Variants in VWF observed in about 807,000 individuals in gnomAD.
VWF encodes von Willebrand factor.
Under a neutral mutation model 308.6 loss-of-function variants are expected in VWF, and 176 were observed. That is an observed-to-expected ratio of 0.57 (90% CI 0.50 to 0.65). VWF has a LOEUF of 0.65. VWF is among the 30% of genes least tolerant of loss of function. The pLI is 0.00. For missense variants in VWF, 3,146 were observed against 3,648.2 expected (o/e 0.86, Z 3.55); for synonymous variants, 1,385 against 1,443.4 (o/e 0.96, Z 0.92).
Position 5,949,728 on chromosome 12 carries a change from A to G in VWF, c.8253+58T>C, listed in dbSNP as rs1943157821. 3 of 1,522,768 alleles carry G rather than the reference A, an allele frequency of 2.0e-6. No individual in the cohort carries two copies. The Admixed American group carries it at 5.0e-5, about 25-fold the overall frequency. The allele number at this position is 1,522,768 out of a possible 1,614,324, so 94.3% of individuals were successfully genotyped here. On this transcript the variant is annotated intron_variant, in intron 51 of 51. Coordinates refer to ENST00000261405, the MANE Select transcript of VWF (RefSeq NM_000552.5). The stretch of plus-strand genomic sequence containing the variant: ...TTCTAGAATGTAACTAAGGATAGGT[A>G]TCCGAACACGGAGGCTCAGCCCTCC...
At chr12:5,983,416 T>C (rs1348515324) in intron 40 of VWF, among the ~76,000 whole-genome samples, 162 bp from the exon 41 acceptor site, 1 of 151,758 alleles carries the variant, frequency 6.6e-6, no homozygotes, top group Non-Finnish European at 1.5e-5. Flanking sequence ...GATAGATAGA[T>C]AGATAGATAG....
chr12:6,118,465 G>A (rs1011350544), intron 3 of VWF, among the ~76,000 whole-genome samples: 10 of 129,652 alleles, frequency 7.7e-5, no homozygotes, highest in African/African-American at 2.9e-4. Flanking sequence ...TCGGCTCACA[G>A]CAACCTCCAC....
chr12:6,032,552 G>T (rs1944279249), intron 20 of VWF, among the ~76,000 whole-genome samples: 2 of 147,374 alleles, frequency 1.4e-5, no homozygotes, highest in African/African-American at 5.1e-5. Flanking sequence ...GCAGGAGAAT[G>T]GCATGAATCG....
chr12:6,037,542 G>A (rs1944350918), intron 18 of VWF, among the ~76,000 whole-genome samples: 1 of 152,130 alleles, frequency 6.6e-6, no homozygotes, highest in South Asian at 2.1e-4. Context: ...AAAGAACTAA[G>A]AACTACCAGC....
At chr12:5,996,295 G>T (rs559274842) in intron 34 of VWF, 73 bp from the exon 35 acceptor site, 100 of 1,390,974 alleles carry the variant, frequency 7.2e-5, no homozygotes, top group Non-Finnish European at 9.0e-5. Context: ...AGACAGGCAG[G>T]TGTGACCAAG....
At chr12:6,038,109 C>T (rs1944357780) in intron 18 of VWF, among the ~76,000 whole-genome samples, 2 of 152,270 alleles carry the variant, frequency 1.3e-5, no homozygotes, top group Non-Finnish European at 2.9e-5. Flanking sequence ...AGCTTAAGCA[C>T]CCAGTAGGGA....
At chr12:6,011,337 A>T (rs1299740952) in intron 34 of VWF, among the ~76,000 whole-genome samples, 1 of 152,242 alleles carries the variant, frequency 6.6e-6, no homozygotes, top group Non-Finnish European at 1.5e-5. Context: ...AGCCAAGCTG[A>T]GCATTGACCT....
rs1365518192 is a variant in VWF, at chr12:5,994,636, A to G, written c.6064-29T>C. 1.6e-5 allele frequency: 25 copies of G among 1,609,516 alleles called. No individual in the cohort carries two copies. In the East Asian group the frequency reaches 5.6e-4, roughly 36 times the overall value. On this transcript the variant is annotated intron_variant, in intron 35 of 51. Coordinates refer to ENST00000261405, the MANE Select transcript of VWF (RefSeq NM_000552.5). ...CACAAAGAAGAAAGAGCTCATCCGT[A>G]GTCCTAGCAATGAGGAATCCTAGGT... is the stretch of plus-strand genomic sequence containing the variant.
At chr12:6,110,665 G>T in intron 4 of VWF, 83 bp from the exon 5 acceptor site, 1 of 1,485,728 alleles carries the variant, frequency 6.7e-7, no homozygotes, top group Non-Finnish European at 9.4e-7. Flanking sequence ...CCAACCCCAT[G>T]TTGTAGGGTT....
At chr12:6,009,150 C>A (rs1435952823) in intron 34 of VWF, among the ~76,000 whole-genome samples, 1 of 151,490 alleles carries the variant, frequency 6.6e-6, no homozygotes, top group Non-Finnish European at 1.5e-5. Context: ...AAAAAGGCAG[C>A]CTACAGAATG....
Position 6,013,501 on chromosome 12 carries a change from A to C in VWF, c.5600T>G (p.Phe1867Cys). The change falls in exon 32 of 52, where the codon TTC (phenylalanine) becomes TGC (cysteine). Residue 1867 changes from phenylalanine to cysteine, a missense_variant. By Grantham distance (205) the Phe-to-Cys change is radical. This residue lies in a region of VWF where 853 missense variants were observed against 1,177.8 expected (regional missense o/e 0.72). Coordinates refer to ENST00000261405, the MANE Select transcript of VWF (RefSeq NM_000552.5). ...CTCACCAGAGCACAGTTTGTGGAGG[A>C]AGGAATTGCCCAAGGTGACCATGGT... The part of the protein sequence containing the change: ...LPTMVTLGNS[F>C]LHKLCSGFVR... The C allele has an allele frequency of 6.2e-7, 1 of 1,614,148 alleles. No homozygotes were observed. Among genetic ancestry groups the C allele is most frequent in the Non-Finnish European group, 8.5e-7 (1 of 1,180,022 alleles).
intron 44 of VWF, among the ~76,000 whole-genome samples, 166 bp from the exon 45 acceptor site, chr12:5,969,557 G>A (rs1234731145): frequency 6.6e-5 from 10 of 152,236 alleles, no homozygotes; most frequent in Admixed American, 2.0e-4. Context: ...AGTGGGGCTC[G>A]TCTCAGTGAG....
chr12:6,107,612 G>A (rs1303545627), intron 5 of VWF, among the ~76,000 whole-genome samples: 2 of 152,134 alleles, frequency 1.3e-5, no homozygotes, highest in African/African-American at 4.8e-5. Context: ...TGGTAAAAAT[G>A]AGAGTCATTA....
intron 6 of VWF, among the ~76,000 whole-genome samples, chr12:6,078,151 C>A (rs1339912830): frequency 1.3e-5 from 2 of 152,200 alleles, no homozygotes; most frequent in Non-Finnish European, 2.9e-5. Flanking sequence ...AGAAGGACAC[C>A]TTTCTCCTTT....
At chr12:6,092,418 C>G (rs1945045020) in intron 6 of VWF, among the ~76,000 whole-genome samples, 1 of 151,940 alleles carries the variant, frequency 6.6e-6, no homozygotes, top group South Asian at 2.1e-4. Flanking sequence ...TCTCAACTCA[C>G]TGCAGCTTCT....
rs746890802 is a variant in VWF, at chr12:5,952,498, C to T, written c.8008G>A (p.Gly2670Ser). ...ACCTTGCAGAAGTGAGTATCACAGCCATCCTGGAGCGTCTCATCACGCTGG... is the reference window on the plus strand; with the variant it reads ...ACCTTGCAGAAGTGAGTATCACAGCTATCCTGGAGCGTCTCATCACGCTGG... Reference protein sequence around the residue: ...TLKRDETLQDGCDTHFCKVNE... With the variant: ...TLKRDETLQDSCDTHFCKVNE... Residue 2670 changes from glycine to serine, a missense_variant, in exon 49 of 52, where the codon GGC becomes AGC. Physicochemically the swap from Gly to Ser is moderately conservative, Grantham distance 56. This residue lies in a region of VWF where 989 missense variants were observed against 1,117.4 expected (regional missense o/e 0.89). Coordinates refer to ENST00000261405, the MANE Select transcript of VWF (RefSeq NM_000552.5). 5.6e-6 allele frequency: 9 copies of T among 1,614,024 alleles called. No homozygotes were observed. Among genetic ancestry groups the T allele is most frequent in the South Asian group, 4.4e-5 (4 of 91,066 alleles).
chr12:6,034,405 G>A (rs905646795), intron 20 of VWF, among the ~76,000 whole-genome samples: 8 of 152,222 alleles, frequency 5.3e-5, no homozygotes, highest in Non-Finnish European at 1.0e-4. Flanking sequence ...CTGTGCTAAT[G>A]TGGACTAGCA....
intron 6 of VWF, among the ~76,000 whole-genome samples, chr12:6,090,858 G>A (rs768261830): frequency 2.6e-5 from 4 of 152,130 alleles, no homozygotes; most frequent in Admixed American, 6.6e-5. Flanking sequence ...CCACGCTCAC[G>A]CCGAGGCCCA....
chr12:5,972,792 G>A (rs911307191), intron 43 of VWF, among the ~76,000 whole-genome samples: 5 of 152,030 alleles, frequency 3.3e-5, no homozygotes, highest in African/African-American at 1.2e-4. Context: ...AACAAATTAG[G>A]ATGCCTCAAT....
Sources: allele counts gnomAD v4.1 joint callset (sites outside exome capture counted in the v4.1 genomes callset), GRCh38; gene constraint gnomAD v4.1.1; regional missense constraint gnomAD v4.1.1; transcripts MANE v1.5; gene names NCBI Gene and HGNC (gene_info 2026-07-23, HGNC 2026-07-21).